The following PEMT variants were observed in gnomAD, a reference collection of about 807,000 sequenced individuals.
PEMT encodes phospholipid methyltransferase.
Under a neutral mutation model 27.4 loss-of-function variants are expected in PEMT, and 23 were observed. The observed-to-expected ratio is 0.84, with a 90% CI of 0.60 to 1.19. PEMT has a LOEUF of 1.19. Ranked by LOEUF, PEMT falls within the 50% of genes most tolerant of loss-of-function variation. The pLI is 0.00. For missense variants in PEMT, 307 were observed against 310.1 expected, an observed-to-expected ratio of 0.99 and a Z score of 0.07; for synonymous variants, 137 against 139.1, an observed-to-expected ratio of 0.98 and a Z score of 0.11.
intron 2 of PEMT, among the ~76,000 whole-genome samples, chr17:17,555,162 A>T (rs1239352958): frequency 6.6e-6 from 1 of 152,088 alleles, no homozygotes; most frequent in Non-Finnish European, 1.5e-5. Flanking sequence ...TGGAGCCCAG[A>T]GTGAGGACAT....
chr17:17,531,361 A>T (rs529161669), intron 2 of PEMT, among the ~76,000 whole-genome samples: 2 of 152,136 alleles, frequency 1.3e-5, no homozygotes, highest in Non-Finnish European at 2.9e-5. Flanking sequence ...TTTATGAGAC[A>T]TGGTCTCAGT....
rs70963006 is a variant in PEMT, at chr17:17,521,161, G to A, written c.320+1119C>T. Among the ~76,000 whole-genome samples the A allele has an allele frequency of 7.5e-4, 115 of 152,358 alleles. 2 individuals are homozygous for A. The highest frequency in any genetic ancestry group is 2.0e-3 in the African/African-American group (83 of 41,594). ...GCCTCGGCCCCAGTGAGCGCTCCAC[G>A]TGGGGTGTGGCCAGGCACACACAGA... On this transcript the variant is annotated intron_variant, in intron 3 of 6. Transcript: ENST00000255389.
rs558908573 is a variant in PEMT at position 17,578,233 on chromosome 17, G to A, written c.97-1206C>T. Among the ~76,000 whole-genome samples, 8 of 150,986 alleles carry A rather than the reference G, an allele frequency of 5.3e-5. No homozygotes were observed. In the South Asian group the frequency reaches 1.0e-3, roughly 20 times the overall value. On this transcript the variant is annotated intron_variant, in intron 1 of 6. Coordinates refer to ENST00000255389, the MANE Select transcript of PEMT (RefSeq NM_148172.3). ...CACCCAGGCTGGAATGCAGTGGCGCGTTCATAGCTCACTGCAACCTTGAAC... is the reference window on the plus strand; with the variant it reads ...CACCCAGGCTGGAATGCAGTGGCGCATTCATAGCTCACTGCAACCTTGAAC...
intron 2 of PEMT, among the ~76,000 whole-genome samples, chr17:17,546,389 G>A: frequency 6.6e-6 from 1 of 152,242 alleles, no homozygotes; most frequent in Admixed American, 6.5e-5. Flanking sequence ...CAAATGGCCT[G>A]AGCCCCTCCC....
intron 5 of PEMT, among the ~76,000 whole-genome samples, chr17:17,508,573 T>G (rs1906088887): frequency 6.6e-6 from 1 of 152,124 alleles, no homozygotes; most frequent in Non-Finnish European, 1.5e-5. Flanking sequence ...GGTTTTCAAG[T>G]GTTAAACAAA....
At chr17:17,519,816 A>C (rs1376445003) in intron 3 of PEMT, among the ~76,000 whole-genome samples, 1 of 152,152 alleles carries the variant, frequency 6.6e-6, no homozygotes, top group Non-Finnish European at 1.5e-5. Context: ...CTCAGCAGAG[A>C]CTCAGAGCAG....
chr17:17,580,677 A>G (rs1597964584), intron 1 of PEMT, among the ~76,000 whole-genome samples: 1 of 151,862 alleles, frequency 6.6e-6, no homozygotes, highest in South Asian at 2.1e-4. Context: ...GCCAGTTTTC[A>G]CCCATCCCTC....
intron 2 of PEMT, among the ~76,000 whole-genome samples, chr17:17,534,487 A>G (rs1908317310): frequency 6.6e-6 from 1 of 152,256 alleles, no homozygotes; most frequent in Non-Finnish European, 1.5e-5. Flanking sequence ...GGATATGTTC[A>G]CAGTCTTAAC....
chr17:17,543,037 C>G (rs985890649), intron 2 of PEMT, among the ~76,000 whole-genome samples: 4 of 152,266 alleles, frequency 2.6e-5, no homozygotes, highest in Non-Finnish European at 5.9e-5. Flanking sequence ...GTTACTTAAA[C>G]CCAGTGTGGT....
At chr17:17,555,838 G>C (rs955632557) in intron 2 of PEMT, among the ~76,000 whole-genome samples, 16 of 152,236 alleles carry the variant, frequency 1.1e-4, no homozygotes, top group African/African-American at 3.9e-4. Context: ...ATGGCATCTG[G>C]GTGGGGCAGG....
In PEMT at chr17:17,523,392, G is replaced by A. The variant is rs563293684; in HGVS notation, c.205-997C>T. ...CAGTTGCGGCAGGAGAGTGATTAGC[G>A]ATGATTTCCTCAAGGCCACTGACTC... On this transcript the variant is annotated intron_variant, in intron 2 of 6. Coordinates refer to ENST00000255389, the MANE Select transcript of PEMT (RefSeq NM_148172.3). The surrounding 1 kb of genome is among the most constrained non-coding windows in gnomAD (Gnocchi z 4.8). 1.1e-3 allele frequency among the ~76,000 whole-genome samples: 165 copies of A among 152,336 alleles called. 1 individual carries two copies. Among genetic ancestry groups the A allele is most frequent in the African/African-American group, 3.8e-3 (156 of 41,578 alleles).
rs1311072280 is a variant in PEMT, at chr17:17,523,637, T to C, written c.205-1242A>G. 6.6e-6 allele frequency among the ~76,000 whole-genome samples: 1 copy of C among 151,806 alleles called. No individual in the cohort carries two copies. Among genetic ancestry groups the C allele is most frequent in the Non-Finnish European group, 1.5e-5 (1 of 67,956 alleles). On this transcript the variant is annotated intron_variant, in intron 2 of 6. Coordinates refer to ENST00000255389, the MANE Select transcript of PEMT (RefSeq NM_148172.3). The surrounding 1 kb of genome is among the most constrained non-coding windows in gnomAD (Gnocchi z 4.8). ...AGGCCCTAGTCCAGGTCTCAGCAGG[T>C]GGCCGCTGCTGACTCTGTGGGAAGC...
In PEMT at chr17:17,512,716, G is replaced by A; in HGVS notation, c.321-62C>T. ...CAGGGAGGATGTCACAGCCCGGGAGGAGGCCGACCTCATCTTCTCGCCCTC... is the reference window on the plus strand; with the variant it reads ...CAGGGAGGATGTCACAGCCCGGGAGAAGGCCGACCTCATCTTCTCGCCCTC... On this transcript the variant is annotated intron_variant, in intron 3 of 6. Coordinates refer to ENST00000255389, the MANE Select transcript of PEMT (RefSeq NM_148172.3). The surrounding 1 kb of genome is among the most constrained non-coding windows in gnomAD (Gnocchi z 6.3). The A allele has an allele frequency of 2.1e-6, 3 of 1,411,532 alleles. No homozygotes were observed. Among genetic ancestry groups the A allele is most frequent in the African/African-American group, 1.4e-5 (1 of 69,084 alleles). The allele number at this position is 1,411,532 out of a possible 1,614,324, so 87.4% of individuals were successfully genotyped here.
chr17:17,573,424 GC>G (rs1911346050), intron 2 of PEMT, among the ~76,000 whole-genome samples: 1 of 149,674 alleles, frequency 6.7e-6, no homozygotes, highest in East Asian at 1.9e-4. Flanking sequence ...CCAAGATCAT[GC>G]CACTGCACTC....
At chr17:17,543,109 G>A (rs989317248) in intron 2 of PEMT, among the ~76,000 whole-genome samples, 3 of 152,192 alleles carry the variant, frequency 2.0e-5, no homozygotes, top group Admixed American at 1.3e-4. Flanking sequence ...GCCCTGGCCC[G>A]GGCCACTCGG....
At chr17:17,550,243 G>A (rs1909556530) in intron 2 of PEMT, among the ~76,000 whole-genome samples, 1 of 152,212 alleles carries the variant, frequency 6.6e-6, no homozygotes, top group South Asian at 2.1e-4. Flanking sequence ...CAAAGGGAGG[G>A]ACAGGACAGA....
chr17:17,571,686 TCA>T lies in PEMT; in HGVS notation c.204+5232_204+5233del, dbSNP rs199612843. Among the ~76,000 whole-genome samples the T allele has an allele frequency of 2.7e-4, 40 of 149,734 alleles. No homozygotes were observed. The East Asian group carries it at 7.5e-3, about 28-fold the overall frequency. ...CCCCCAGCTCCCCAGGAGTCCAGAC[TCA>T]CACACAGTCTGTTTTGTTTTGGGTT... On this transcript the variant is annotated intron_variant, in intron 2 of 6. Transcript: ENST00000255389.
At chr17:17,550,889 A>T (rs1408987853) in intron 2 of PEMT, among the ~76,000 whole-genome samples, 2 of 152,196 alleles carry the variant, frequency 1.3e-5, no homozygotes, top group East Asian at 3.8e-4. Flanking sequence ...CACAAACTCC[A>T]CACAGGCAGT....
upstream of PEMT, chr17:17,591,936 G>A (rs1912611885): frequency 2.0e-6 from 2 of 985,452 alleles, no homozygotes; most frequent in South Asian, 4.7e-5. Context: ...GCCTTTGGTC[G>A]CCGGCTGCCG....
Sources: gnomAD v4.1 joint callset for allele counts (sites outside exome capture counted in the v4.1 genomes callset) on GRCh38, gnomAD v4.1.1 for gene constraint, Gnocchi (gnomAD v3.1) non-coding constraint, MANE v1.5 for transcripts, NCBI Gene and HGNC (gene_info 2026-07-23, HGNC 2026-07-21) for gene names.